COL17A1: variants seen among roughly 807,000 people sequenced by gnomAD.
COL17A1 encodes the protein collagen type XVII alpha 1 chain, also known as collagen alpha-1(XVII) chain.
Under a neutral mutation model 218.4 loss-of-function variants are expected in COL17A1, and 181 were observed. The observed-to-expected ratio is 0.83, with a 90% confidence interval of 0.73 to 0.94. The LOEUF (loss-of-function observed/expected upper bound fraction) is 0.94. COL17A1 is among the 40% of genes least tolerant of loss of function. COL17A1 has a pLI of 0.00. For synonymous variants in COL17A1, 721 were observed against 731.0 expected (o/e 0.99, Z 0.22); for missense variants, 1,924 against 1,945.9 (o/e 0.99, Z 0.21).
At chr10:104,040,580 G>A (rs1589559626) in intron 39 of COL17A1, among the ~76,000 whole-genome samples, 170 bp from the exon 40 acceptor site, 1 of 151,612 alleles carries the variant, frequency 6.6e-6, no homozygotes, top group African/African-American at 2.4e-5. Flanking sequence ...GTGGATGGAT[G>A]GATGGATGGA....
Position 104,055,371 on chromosome 10 carries a change from C to A in COL17A1, c.1717+1G>T. On this transcript the variant is annotated splice_donor_variant, in intron 19 of 55. Transcript: ENST00000648076. LOFTEE classifies it high-confidence loss of function. ...AGACAAGGTTCAATCCATGGCAATA[C>A]CTTTAGGGCCAGGGCTTCCTCGGAG... is the stretch of plus-strand genomic sequence containing the variant. 1 of 1,612,266 alleles carries A rather than the reference C, an allele frequency of 6.2e-7. No homozygotes were observed. The highest frequency in any genetic ancestry group is 8.5e-7 in the Non-Finnish European group (1 of 1,179,222).
intron 10 of COL17A1, 143 bp downstream of exon 10, chr10:104,064,295 G>A: frequency 7.3e-7 from 1 of 1,371,962 alleles, no homozygotes; most frequent in South Asian, 1.3e-5. Context: ...GAAGTTCCAG[G>A]GGGAATCTCC....
At chr10:104,051,449 C>G (rs1201586739) in intron 25 of COL17A1, 32 bp downstream of exon 25, 1 of 1,613,588 alleles carries the variant, frequency 6.2e-7, no homozygotes, top group African/African-American at 1.3e-5. Flanking sequence ...GCCCTGGAAA[C>G]AGAACCTATT....
intron 10 of COL17A1, 110 bp downstream of exon 10, chr10:104,064,328 C>A (rs1358166688): frequency 1.3e-6 from 2 of 1,557,214 alleles, no homozygotes; most frequent in Non-Finnish European, 1.7e-6. Flanking sequence ...CCACAGAAAG[C>A]CTCTCCAGGA....
chr10:104,039,749 G>A, intron 41 of COL17A1, 109 bp from the exon 42 acceptor site: 1 of 1,466,812 alleles, frequency 6.8e-7, no homozygotes. Flanking sequence ...TTGCCCTTTG[G>A]GCAGTACCTA....
intron 31 of COL17A1, 122 bp from the exon 32 acceptor site, chr10:104,046,895 A>G (rs937437828): frequency 1.1e-6 from 1 of 886,780 alleles, no homozygotes; most frequent in Non-Finnish European, 1.8e-6. Context: ...ACAGAAGGAC[A>G]CGTCTCATGC....
chr10:104,037,148 C>T (rs1379873702), intron 46 of COL17A1, 35 bp from the exon 47 acceptor site: 3 of 1,572,928 alleles, frequency 1.9e-6, no homozygotes, highest in Non-Finnish European at 1.7e-6. Context: ...ACCTGCTTAG[C>T]AGGTACTGAA....
intron 45 of COL17A1, 130 bp downstream of exon 45, chr10:104,038,276 A>G: frequency 1.0e-6 from 1 of 986,460 alleles, no homozygotes; most frequent in Non-Finnish European, 1.6e-6. Flanking sequence ...ACACACACAC[A>G]CACACTCCCA....
chr10:104,052,904 A>G, intron 23 of COL17A1, 127 bp downstream of exon 23: 1 of 1,169,850 alleles, frequency 8.5e-7, no homozygotes, highest in East Asian at 2.4e-5. Context: ...ACCCTGACTC[A>G]GGGTGGGTGC....
intron 26 of COL17A1, 59 bp downstream of exon 26, chr10:104,050,789 A>G: frequency 6.2e-7 from 1 of 1,614,114 alleles, no homozygotes; most frequent in South Asian, 1.1e-5. Flanking sequence ...CAGCCTGCAT[A>G]GGCTGTGGGT....
intron 28 of COL17A1, among the ~76,000 whole-genome samples, 172 bp from the exon 29 acceptor site, chr10:104,049,643 C>G (rs1196472054): frequency 6.6e-6 from 1 of 152,220 alleles, no homozygotes; most frequent in Non-Finnish European, 1.5e-5. Context: ...GAAACCACAC[C>G]TAATCAGAAT....
intron 3 of COL17A1, among the ~76,000 whole-genome samples, chr10:104,078,204 G>T (rs1022791453): frequency 3.9e-5 from 6 of 152,164 alleles, no homozygotes; most frequent in Admixed American, 2.0e-4. Flanking sequence ...TTAGCATCTG[G>T]AATAGGCAAA....
intron 28 of COL17A1, among the ~76,000 whole-genome samples, 188 bp from the exon 29 acceptor site, chr10:104,049,659 G>A (rs1202963361): frequency 1.3e-5 from 2 of 152,210 alleles, no homozygotes; most frequent in Non-Finnish European, 2.9e-5. Flanking sequence ...AGAATCATGG[G>A]CATGTGCATG....
At chr10:104,050,790 G>A (rs565129802) in intron 26 of COL17A1, 58 bp downstream of exon 26, 23 of 1,614,072 alleles carry the variant, frequency 1.4e-5, no homozygotes, top group Non-Finnish European at 1.9e-5. Context: ...AGCCTGCATA[G>A]GCTGTGGGTC....
At chr10:104,035,149 C>G in intron 50 of COL17A1, 114 bp downstream of exon 50, 1 of 931,010 alleles carries the variant, frequency 1.1e-6, no homozygotes, top group Non-Finnish European at 1.7e-6. Flanking sequence ...GGGCCCTGCA[C>G]CCAGCACTGT....
chr10:104,035,851 C>CGTATGGGAGTGTGTGTATGGGAGT (rs58330328), intron 48 of COL17A1, among the ~76,000 whole-genome samples: 17 of 135,506 alleles, frequency 1.3e-4, no homozygotes, highest in Non-Finnish European at 2.2e-4. Flanking sequence ...TCGGAGTGTG[C>CGTATGGGAGTGTGTGTATGGGAGT]GTATGGGAGT....
chr10:104,056,831 C>T lies in COL17A1; in HGVS notation c.1465+144G>A. On this transcript the variant is annotated intron_variant, in intron 17 of 55. Coordinates refer to ENST00000648076, the MANE Select transcript of COL17A1 (RefSeq NM_000494.4). ...CCTGGGGCCTCAGTTTACTCATCTG[C>T]GGTAACAAGGGTCTGCACCAATGCA... 8 of 1,484,620 alleles carry T rather than the reference C, an allele frequency of 5.4e-6. No individual in the cohort carries two copies. In the Admixed American group the frequency reaches 6.1e-5, roughly 11 times the overall value. The allele number at this position is 1,484,620 out of a possible 1,614,324, so 92.0% of individuals were successfully genotyped here. A position where few individuals can be genotyped will look rare whatever the true frequency, so the allele number is the denominator to read the frequency against.
chr10:104,079,937 A>AG (rs1382549799), intron 2 of COL17A1, among the ~76,000 whole-genome samples: 1 of 151,818 alleles, frequency 6.6e-6, no homozygotes, highest in Admixed American at 6.6e-5. Context: ...AAAAAAAAAA[A>AG]AAAAGGAAAT....
At chr10:104,033,601 G>T (rs759715673) in intron 52 of COL17A1, among the ~76,000 whole-genome samples, 1 of 152,216 alleles carries the variant, frequency 6.6e-6, no homozygotes, top group African/African-American at 2.4e-5. Context: ...TAACTGTGCC[G>T]TTAAGCTGCG....
Sources: allele counts gnomAD v4.1 joint callset (sites outside exome capture counted in the v4.1 genomes callset), GRCh38; gene constraint gnomAD v4.1.1; transcripts MANE v1.5; gene names NCBI Gene and HGNC (gene_info 2026-07-23, HGNC 2026-07-21).